The following TMEM45B variants were observed in gnomAD, a reference collection of about 807,000 sequenced individuals.
The protein encoded by TMEM45B is transmembrane protein 45B.
TMEM45B carries 29 observed loss-of-function variants against 27.3 expected under a neutral mutation model. The ratio of observed to expected loss-of-function variants is 1.06; its 90% CI spans 0.79 to 1.45. The LOEUF is 1.45. Among genes scored for constraint, TMEM45B ranks in the 40% most tolerant of loss-of-function variants. The pLI, the probability that TMEM45B is intolerant of heterozygous loss-of-function variation, is 0.00. For missense variants in TMEM45B, 348 were observed against 343.9 expected, an observed-to-expected ratio of 1.01 and a Z score of -0.09; for synonymous variants, 143 against 134.7, an observed-to-expected ratio of 1.06 and a Z score of -0.43.
chr11:129,841,061 C>A (rs1006860411), intron 1 of TMEM45B, among the ~76,000 whole-genome samples: 2 of 149,944 alleles, frequency 1.3e-5, no homozygotes, highest in Admixed American at 1.3e-4. Flanking sequence ...AAAATGCAGG[C>A]AAAAAATTGA....
intron 1 of TMEM45B, among the ~76,000 whole-genome samples, chr11:129,837,785 T>C (rs1175332086): frequency 2.0e-4 from 28 of 139,410 alleles, no homozygotes; most frequent in African/African-American, 7.4e-4. Flanking sequence ...TTCTTTTTTT[T>C]TTTTTTTTTT....
intron 3 of TMEM45B, 53 bp downstream of exon 3, chr11:129,854,869 T>G (rs573354734): frequency 2.5e-6 from 4 of 1,582,110 alleles, no homozygotes; most frequent in South Asian, 2.2e-5. Flanking sequence ...GTCATATTTA[T>G]GAAGGATCAG....
intron 1 of TMEM45B, among the ~76,000 whole-genome samples, chr11:129,841,242 G>C (rs960654471): frequency 2.6e-4 from 39 of 152,110 alleles, no homozygotes; most frequent in Non-Finnish European, 4.4e-4. Context: ...GCAGTGGCTG[G>C]GGGGTTGAAA....
intron 1 of TMEM45B, among the ~76,000 whole-genome samples, chr11:129,835,457 T>G (rs759113020): frequency 6.6e-6 from 1 of 152,198 alleles, no homozygotes; most frequent in Non-Finnish European, 1.5e-5. Context: ...CATTGCCAGT[T>G]TGGACCAAAG....
chr11:129,827,617 A>G (rs1021920927), intron 1 of TMEM45B, among the ~76,000 whole-genome samples: 2 of 152,138 alleles, frequency 1.3e-5, no homozygotes, highest in Admixed American at 6.5e-5. Context: ...CAGCCTGACC[A>G]ACATGGAGAA....
chr11:129,858,913 C>A lies in TMEM45B; in HGVS notation c.*228C>A. 3.6e-6 allele frequency: 1 copy of A among 274,352 alleles called. No individual in the cohort carries two copies. The highest frequency in any genetic ancestry group is 7.2e-5 in the East Asian group (1 of 13,906). The allele number at this position is 274,352 out of a possible 1,614,324, so 17.0% of individuals were successfully genotyped here. On this transcript the variant is annotated 3_prime_UTR_variant, in exon 6 of 6. Coordinates refer to ENST00000281441, the MANE Select transcript of TMEM45B (RefSeq NM_138788.5). ...CTATAAAGTCTGTGTTGGTATAGTA[C>A]CCTTCATAAGGAAAAATGAAGTAAT...
At chr11:129,853,778 G>T (rs1947882057) in intron 2 of TMEM45B, among the ~76,000 whole-genome samples, 1 of 152,130 alleles carries the variant, frequency 6.6e-6, no homozygotes, top group Non-Finnish European at 1.5e-5. Context: ...TCCTGACTCT[G>T]TGTGTGGGAA....
chr11:129,857,576 T>G lies in TMEM45B; in HGVS notation c.716+118T>G, dbSNP rs547958954. On this transcript the variant is annotated intron_variant, in intron 5 of 5. Coordinates refer to ENST00000281441, the MANE Select transcript of TMEM45B (RefSeq NM_138788.5). ...CCAAATTCTGTGCAAGGTACTCTCA[T>G]GCAGGGAAGGTATCACTACCCTTAT... The G allele has an allele frequency of 5.1e-6, 6 of 1,176,716 alleles. No individual in the cohort carries two copies. The Admixed American group carries it at 9.7e-5, about 19-fold the overall frequency. The allele number at this position is 1,176,716 out of a possible 1,614,324, so 72.9% of individuals were successfully genotyped here.
intron 1 of TMEM45B, among the ~76,000 whole-genome samples, chr11:129,831,246 A>G (rs1346701698): frequency 6.6e-6 from 1 of 152,194 alleles, no homozygotes; most frequent in African/African-American, 2.4e-5. Flanking sequence ...GTTATTAAGA[A>G]CTTTCATGCT....
chr11:129,845,036 T>C (rs1947740101), intron 1 of TMEM45B, among the ~76,000 whole-genome samples: 1 of 152,150 alleles, frequency 6.6e-6, no homozygotes, highest in African/African-American at 2.4e-5. Flanking sequence ...TCAAAGAATA[T>C]ATATATATTC....
intron 1 of TMEM45B, among the ~76,000 whole-genome samples, chr11:129,818,342 T>C (rs1297814964): frequency 6.6e-6 from 1 of 152,216 alleles, no homozygotes; most frequent in African/African-American, 2.4e-5. Context: ...CAACTGAATA[T>C]AGCAAGGTAC....
chr11:129,845,037 A>G (rs1481923310), intron 1 of TMEM45B, among the ~76,000 whole-genome samples: 1 of 152,196 alleles, frequency 6.6e-6, no homozygotes. Flanking sequence ...CAAAGAATAT[A>G]TATATATTCA....
At position 129,858,663 on chromosome 11, in the gene TMEM45B, T is replaced by A; in HGVS notation, c.806T>A (p.Leu269Ter). 2 of 1,565,502 alleles carry A rather than the reference T, an allele frequency of 1.3e-6. No homozygotes were observed. Among genetic ancestry groups the A allele is most frequent in the Non-Finnish European group, 1.7e-6 (2 of 1,153,336 alleles). Residue 269 changes from leucine to a stop codon, truncating the protein, a stop_gained, in exon 6 of 6, where the codon TTG becomes TAG. Transcript: ENST00000281441. LOFTEE classifies it high-confidence loss of function. ...NSDDTYQTAL[L>*]SGSDEE ...GATGACACTTACCAGACCGCCCTCT[T>A]GAGTGGCTCAGATGAGGAATGAGCC...
intron 1 of TMEM45B, among the ~76,000 whole-genome samples, chr11:129,822,587 T>C (rs2135552513): frequency 6.6e-6 from 1 of 152,314 alleles, no homozygotes; most frequent in African/African-American, 2.4e-5. Flanking sequence ...ATAACTTAGA[T>C]GTATTTATTA....
At chr11:129,847,924 T>C (rs1377217033) in intron 1 of TMEM45B, among the ~76,000 whole-genome samples, 1 of 151,558 alleles carries the variant, frequency 6.6e-6, no homozygotes, top group Non-Finnish European at 1.5e-5. Context: ...GGGGTGGTGG[T>C]GGCCGGGCAG....
intron 1 of TMEM45B, among the ~76,000 whole-genome samples, chr11:129,836,942 T>C (rs541951981): frequency 1.3e-5 from 2 of 152,290 alleles, no homozygotes; most frequent in African/African-American, 4.8e-5. Flanking sequence ...TATAATTCAA[T>C]TTATGAATTG....
intron 1 of TMEM45B, among the ~76,000 whole-genome samples, chr11:129,833,371 C>G (rs1201908774): frequency 1.3e-5 from 2 of 152,108 alleles, no homozygotes; most frequent in African/African-American, 4.8e-5. Flanking sequence ...AAGTCCTCAC[C>G]TCCAGTGCCT....
At chr11:129,837,852 G>T (rs1263685873) in intron 1 of TMEM45B, among the ~76,000 whole-genome samples, 1 of 131,438 alleles carries the variant, frequency 7.6e-6, no homozygotes, top group Non-Finnish European at 1.5e-5. Flanking sequence ...CTCAATCTCA[G>T]CTCACTGTAA....
chr11:129,826,418 G>A (rs976967555), intron 1 of TMEM45B, among the ~76,000 whole-genome samples: 5 of 150,850 alleles, frequency 3.3e-5, no homozygotes, highest in South Asian at 4.2e-4. Flanking sequence ...GCGTGGTGGC[G>A]GGTGCCTGTA....
Sources: gnomAD v4.1 joint callset for allele counts (sites outside exome capture counted in the v4.1 genomes callset) on GRCh38, gnomAD v4.1.1 for gene constraint, MANE v1.5 for transcripts, NCBI Gene and HGNC (gene_info 2026-07-23, HGNC 2026-07-21) for gene names.